ADGRF3: variants seen among roughly 807,000 people sequenced by gnomAD.
The protein encoded by ADGRF3 is G protein-coupled receptor 113.
Under a neutral mutation model 93.2 loss-of-function variants are expected in ADGRF3, and 85 were observed. The observed-to-expected ratio is 0.91, with a 90% CI of 0.77 to 1.09. The LOEUF is 1.09. Ranked by LOEUF, ADGRF3 falls within the 50% of genes least tolerant of loss-of-function variation. ADGRF3 has a pLI of 0.00. For synonymous variants in ADGRF3, 534 were observed against 532.5 expected (o/e 1.00, Z -0.04); for missense variants, 1,125 against 1,246.2 (o/e 0.90, Z 1.46).
At chr2:26,316,653 C>G (rs986326667) in intron 3 of ADGRF3, among the ~76,000 whole-genome samples, 1 of 152,114 alleles carries the variant, frequency 6.6e-6, no homozygotes, top group Non-Finnish European at 1.5e-5. Context: ...GGCCAGGGAA[C>G]AGGTGAAGGT....
At chr2:26,323,138 CA>C (rs112232638) in intron 1 of ADGRF3, among the ~76,000 whole-genome samples, 7 of 151,030 alleles carry the variant, frequency 4.6e-5, no homozygotes, top group African/African-American at 1.2e-4. Context: ...GACTCCATCT[CA>C]AAAAAAAATC....
intron 1 of ADGRF3, among the ~76,000 whole-genome samples, chr2:26,326,976 G>A (rs1437346766): frequency 6.6e-6 from 1 of 152,206 alleles, no homozygotes; most frequent in African/African-American, 2.4e-5. Flanking sequence ...CACCATGTGG[G>A]CCAGGCTAGT....
At position 26,346,206 on chromosome 2, in the gene ADGRF3, G is replaced by A. The variant is rs376862993; in HGVS notation, c.29C>T (p.Ser10Leu). ...AGCCTTGTAGCCGGGAGTCGCTGCC[G>A]AGTGGGCGCTCAGTTTTCGGGTCGT... MTTRKLSAHSAATPGYKAVT... is the reference protein window; with the variant it reads MTTRKLSAHLAATPGYKAVT... Residue 10 changes from serine to leucine, a missense_variant, in exon 1 of 14, where the codon TCG becomes TTG. By Grantham distance (145) the Ser-to-Leu change is moderately radical. Transcript: ENST00000651242. The A allele has an allele frequency of 2.5e-6, 4 of 1,613,464 alleles. No individual in the cohort carries two copies. The highest frequency in any genetic ancestry group is 1.1e-5 in the South Asian group (1 of 91,028).
Position 26,311,146 on chromosome 2 carries a change from G to A in ADGRF3, c.2378C>T (p.Ala793Val), listed in dbSNP as rs148184294. ...CTGGTGGGCCAACACCAGGGCCTGC[G>A]CCAGCATCCAGAAAAAGGTGGCCAG... ...LYLATFFWML[A>V]QALVLAHQLL... is the part of the protein sequence containing the mutation. The change falls in exon 10 of 14, where the codon GCG (alanine) becomes GTG (valine). Residue 793 changes from alanine (A) to valine (V), a missense_variant. Ala to Val is a moderately conservative substitution (Grantham distance 64). Transcript: ENST00000651242. The A allele has an allele frequency of 2.0e-4, 317 of 1,595,440 alleles. 3 individuals are homozygous for A. In the South Asian group the frequency reaches 3.2e-3, roughly 16 times the overall value.
chr2:26,308,812 C>G lies in ADGRF3; in HGVS notation c.*274G>C. 1 of 454,060 alleles carries G rather than the reference C, an allele frequency of 2.2e-6. No homozygotes were observed. Among genetic ancestry groups the G allele is most frequent in the Non-Finnish European group, 3.9e-6 (1 of 255,828 alleles). The allele number at this position is 454,060 out of a possible 1,614,324, so 28.1% of individuals were successfully genotyped here. ...AAAGTTTACTTGTAATTATTCCGCA[C>G]TTTGATATCTGTCGATTATTTCTGG... On this transcript the variant is annotated 3_prime_UTR_variant, in exon 14 of 14. Transcript: ENST00000651242.
intron 1 of ADGRF3, among the ~76,000 whole-genome samples, chr2:26,325,211 G>A (rs1638601256): frequency 6.6e-6 from 1 of 152,186 alleles, no homozygotes; most frequent in African/African-American, 2.4e-5. Context: ...GTAATGGCAA[G>A]TCAGCTAATC....
At chr2:26,326,336 A>G (rs1675433268) in intron 1 of ADGRF3, among the ~76,000 whole-genome samples, 1 of 152,200 alleles carries the variant, frequency 6.6e-6, no homozygotes, top group Non-Finnish European at 1.5e-5. Context: ...TTCTCTGGTC[A>G]GAAATCCCTC....
intron 4 of ADGRF3, 43 bp downstream of exon 4, chr2:26,316,232 T>A: frequency 6.5e-7 from 1 of 1,527,496 alleles, no homozygotes. Context: ...GAACATTTAT[T>A]TCACTTAAGG....
rs1486925781 is a variant in ADGRF3 at position 26,316,942 on chromosome 2, G to A, written c.295C>T (p.Pro99Ser). The A allele has an allele frequency of 3.7e-6, 6 of 1,612,752 alleles. No homozygotes were observed. The South Asian group carries it at 6.6e-5, about 18-fold the overall frequency. Residue 99 changes from proline (P) to serine (S), a missense_variant, in exon 3 of 14, where the codon CCT becomes TCT. Pro to Ser is a moderately conservative substitution (Grantham distance 74). Transcript: ENST00000651242. Reference sequence around the variant, plus strand: ...GTGAGTCTGAGGCCAGTGAGAAGAGGCCTTGGGGAAGAGGAAGCTGAGGCA... The same window carrying A: ...GTGAGTCTGAGGCCAGTGAGAAGAGACCTTGGGGAAGAGGAAGCTGAGGCA... The part of the protein sequence containing the change: ...PAASASSSPR[P>S]LLTGLRLTTE...
chr2:26,338,412 C>G (rs1676172063), intron 1 of ADGRF3, among the ~76,000 whole-genome samples: 1 of 152,154 alleles, frequency 6.6e-6, no homozygotes, highest in African/African-American at 2.4e-5. Context: ...TGGTCATTTT[C>G]AGAGTGCAAT....
intron 1 of ADGRF3, among the ~76,000 whole-genome samples, chr2:26,321,494 A>T (rs1389208411): frequency 6.6e-6 from 1 of 152,062 alleles, no homozygotes; most frequent in African/African-American, 2.4e-5. Context: ...GGGTCTGTTG[A>T]GGACCAGGAA....
intron 1 of ADGRF3, among the ~76,000 whole-genome samples, chr2:26,338,425 T>TA (rs1232387948): frequency 6.6e-6 from 1 of 152,156 alleles, no homozygotes; most frequent in Admixed American, 6.5e-5. Flanking sequence ...AGTGCAATAA[T>TA]AACTTCTCCC....
rs199578290 is a variant in ADGRF3 at position 26,313,374 on chromosome 2, C to T, written c.1269+3G>A. On this transcript the variant is annotated splice_donor_region_variant and intron_variant, in intron 8 of 13. Transcript: ENST00000651242. ...CACGTGGGCAGCAGGGTGGAAGCTTCACCTTGGTTCTAGTGAACAAGGCCA... is the reference window on the plus strand; with the variant it reads ...CACGTGGGCAGCAGGGTGGAAGCTTTACCTTGGTTCTAGTGAACAAGGCCA... 8 of 1,578,558 alleles carry T rather than the reference C, an allele frequency of 5.1e-6. No individual in the cohort carries two copies. In the African/African-American group the frequency reaches 6.7e-5, roughly 13 times the overall value.
rs907319124 is a variant in ADGRF3 at position 26,346,409 on chromosome 2, G to GTT, written c.-177_-176dup. On this transcript the variant is annotated 5_prime_UTR_variant, in exon 1 of 14. It removes the in-frame stop codon of an upstream open reading frame in the 5' UTR. Transcript: ENST00000651242. ...CGTGGCTCCGGGCGGGCTGGCGGGC[G>GTT]TTCCTCCGGAGGTCCTGCGGGTCCT... 1.1e-5 allele frequency: 14 copies of GTT among 1,269,358 alleles called. No individual in the cohort carries two copies. The highest frequency in any genetic ancestry group is 1.5e-5 in the Non-Finnish European group (14 of 961,260). 78.6% of individuals were successfully genotyped at this position (1,269,358 alleles called of 1,614,324 possible). A position where few individuals can be genotyped will look rare whatever the true frequency, so the allele number is the denominator to read the frequency against.
At chr2:26,344,213 C>G (rs1402136525) in intron 1 of ADGRF3, among the ~76,000 whole-genome samples, 1 of 152,148 alleles carries the variant, frequency 6.6e-6, no homozygotes, top group East Asian at 1.9e-4. Context: ...GACACAATCT[C>G]GGTTCACCGT....
rs992696951 is a variant in ADGRF3 at position 26,311,482 on chromosome 2, C to A, written c.2042G>T (p.Cys681Phe). 1 of 1,613,964 alleles carries A rather than the reference C, an allele frequency of 6.2e-7. No individual in the cohort carries two copies. Among genetic ancestry groups the A allele is most frequent in the Non-Finnish European group, 8.5e-7 (1 of 1,179,830 alleles). ...GACGGAGAAGGCAGTGAGGTGCTGG[C>A]AGAGGCACTGAGCAGTGGGGCTGGC... ...ASASPTAQCL[C>F]QHLTAFSVLM... Residue 681 changes from cysteine to phenylalanine, a missense_variant, in exon 10 of 14, where the codon TGC becomes TTC. Physicochemically the swap from Cys to Phe is radical, Grantham distance 205 (BLOSUM62 -2). Transcript: ENST00000651242.
At chr2:26,318,923 G>A (rs761136250) in intron 1 of ADGRF3, 41 of 1,551,140 alleles carry the variant, frequency 2.6e-5, no homozygotes, top group Admixed American at 2.2e-4. Flanking sequence ...CCCCATTGTC[G>A]CCTCTGCAGA....
At chr2:26,329,185 G>T (rs1356506719) in intron 1 of ADGRF3, among the ~76,000 whole-genome samples, 2 of 152,240 alleles carry the variant, frequency 1.3e-5, no homozygotes, top group African/African-American at 2.4e-5. Flanking sequence ...GCCCAGGCTG[G>T]AGTGCAGTGG....
chr2:26,316,483 T>A, intron 3 of ADGRF3, 35 bp from the exon 4 acceptor site: 1 of 1,543,214 alleles, frequency 6.5e-7, no homozygotes, highest in Non-Finnish European at 8.8e-7. Context: ...GTGGGCAGGC[T>A]GTCTGAAGAA....
Sources: gnomAD v4.1 joint callset for allele counts (sites outside exome capture counted in the v4.1 genomes callset) on GRCh38, gnomAD v4.1.1 for gene constraint, MANE v1.5 for transcripts, NCBI Gene and HGNC (gene_info 2026-07-23, HGNC 2026-07-21) for gene names.